BIRC6: variants seen among roughly 807,000 people sequenced by gnomAD.
BIRC6 encodes the protein dual E2 ubiquitin-conjugating enzyme/E3 ubiquitin-protein ligase BIRC6.
Under a neutral mutation model 503.3 loss-of-function variants are expected in BIRC6, and 98 were observed. The ratio of observed to expected loss-of-function variants is 0.19; its 90% confidence interval spans 0.17 to 0.23. The LOEUF (loss-of-function observed/expected upper bound fraction) is 0.23, where lower values mean the gene tolerates loss of function less well. Among genes scored for constraint, BIRC6 ranks in the 10% least tolerant of loss-of-function variants. The pLI is 1.00. For missense variants in BIRC6, 5,360 were observed against 5,806.0 expected (o/e 0.92, Z 2.50); for synonymous variants, 2,240 against 2,078.7 (o/e 1.08, Z -2.11).
At chr2:32,555,606 C>T (rs376477238) in intron 65 of BIRC6, among the ~76,000 whole-genome samples, 7 of 150,172 alleles carry the variant, frequency 4.7e-5, no homozygotes, top group East Asian at 2.0e-4. Flanking sequence ...CCAGCCTGGG[C>T]GACAGAGCAA....
chr2:32,564,626 G>T (rs565706071), intron 65 of BIRC6: 1 of 152,264 alleles, frequency 6.6e-6, no homozygotes, highest in South Asian at 2.1e-4. Context: ...TGTGTTCATT[G>T]ACTATTCACC....
intron 3 of BIRC6, among the ~76,000 whole-genome samples, chr2:32,382,000 A>C (rs1001317405): frequency 6.6e-6 from 1 of 152,154 alleles, no homozygotes; most frequent in Non-Finnish European, 1.5e-5. Context: ...TTATTTAGGA[A>C]AACAGAAACT....
intron 3 of BIRC6, among the ~76,000 whole-genome samples, chr2:32,387,995 GATTAA>G (rs1228909789): frequency 1.3e-5 from 2 of 152,142 alleles, no homozygotes; most frequent in South Asian, 2.1e-4. Context: ...ATTATAGAAA[GATTAA>G]ATTAAGCTAA....
At chr2:32,581,638 C>A (rs1218613814) in intron 66 of BIRC6, among the ~76,000 whole-genome samples, 2 of 152,114 alleles carry the variant, frequency 1.3e-5, no homozygotes, top group Admixed American at 6.5e-5. Flanking sequence ...ATGAGTGAAC[C>A]ATTTACTGTG....
chr2:32,546,647 G>T (rs2058070726), intron 63 of BIRC6, among the ~76,000 whole-genome samples: 1 of 151,626 alleles, frequency 6.6e-6, no homozygotes, highest in South Asian at 2.1e-4. Context: ...TACATCATGG[G>T]GTCAGTCTAT....
intron 16 of BIRC6, among the ~76,000 whole-genome samples, chr2:32,440,561 A>G (rs117421641): frequency 2.7e-3 from 406 of 152,164 alleles, no homozygotes; most frequent in Non-Finnish European, 4.4e-3. Context: ...GGCATTTTAC[A>G]TATATATAGG....
chr2:32,377,490 C>G, intron 1 of BIRC6, 98 bp from the exon 2 acceptor site: 1 of 928,646 alleles, frequency 1.1e-6, no homozygotes, highest in Non-Finnish European at 1.5e-6. Context: ...AGATCCAATT[C>G]AGGATAATAT....
intron 10 of BIRC6, among the ~76,000 whole-genome samples, chr2:32,420,469 G>A (rs1014091625): frequency 2.0e-5 from 3 of 151,878 alleles, no homozygotes; most frequent in African/African-American, 4.8e-5. Context: ...AAGTTATGAA[G>A]TTTTAGCGTA....
chr2:32,467,757 A>T lies in BIRC6; in HGVS notation c.5571+18A>T, dbSNP rs1281368191. The T allele has an allele frequency of 6.3e-7, 1 of 1,596,082 alleles. No homozygotes were observed. Among genetic ancestry groups the T allele is most frequent in the Non-Finnish European group, 8.6e-7 (1 of 1,168,880 alleles). ...TCATGAAGGTAAAGAACTTTAAGAAAGTAAATTGATACGCTTTCTATGTTT... is the reference window on the plus strand; with the variant it reads ...TCATGAAGGTAAAGAACTTTAAGAATGTAAATTGATACGCTTTCTATGTTT... On this transcript the variant is annotated intron_variant, in intron 27 of 73. Coordinates refer to ENST00000421745, the MANE Select transcript of BIRC6 (RefSeq NM_016252.4).
At position 32,403,918 on chromosome 2, in the gene BIRC6, ATG is replaced by A. The variant is rs1160326625; in HGVS notation, c.1418+2305_1418+2306del. Among the ~76,000 whole-genome samples the A allele has an allele frequency of 2.1e-5, 3 of 145,366 alleles. No homozygotes were observed. In the East Asian group the frequency reaches 6.1e-4, roughly 30 times the overall value. ...ATATGTATTCTAGTTTCTTTTTAAAATGTGTGTGTGTTTTTTTTTTTTTTTTG... is the reference window on the plus strand; with the variant it reads ...ATATGTATTCTAGTTTCTTTTTAAAATGTGTGTGTTTTTTTTTTTTTTTTG... On this transcript the variant is annotated intron_variant, in intron 8 of 73. Transcript: ENST00000421745.
chr2:32,617,816 G>A lies in BIRC6; in HGVS notation c.14486G>A (p.Arg4829Lys), dbSNP rs1181746729. 6.2e-7 allele frequency: 1 copy of A among 1,614,052 alleles called. No homozygotes were observed. The stretch of plus-strand genomic sequence containing the variant: ...ACTGACGATGCCCCAGAGGTGTGCA[G>A]AGCCACAACAGGTGCTGAGGAGACT... ...PDTDDAPEVC[R>K]ATTGAEETLM... Residue 4829 changes from arginine (R) to lysine (K), a missense_variant, in exon 74 of 74, where the codon AGA (arginine) becomes AAA (lysine). Coordinates refer to ENST00000421745, the MANE Select transcript of BIRC6 (RefSeq NM_016252.4).
chr2:32,470,269 A>C lies in BIRC6; in HGVS notation c.6449A>C (p.Gln2150Pro), dbSNP rs1390540866. The C allele has an allele frequency of 3.2e-6, 5 of 1,575,450 alleles. No homozygotes were observed. The highest frequency in any genetic ancestry group is 1.8e-5 in the Admixed American group (1 of 54,290). ...NLLDNLLSPL[Q>P]PQLPMHRRTE... ...TTGGATAATTTATTGTCACCTCTTC[A>C]GCCACAGTTACCCATGCATAGGAGG... The change falls in exon 31 of 74, where the codon CAG (glutamine) becomes CCG (proline). Residue 2150 changes from glutamine (Q) to proline (P), a missense_variant. Gln to Pro is a moderately conservative substitution (Grantham distance 76). Around this residue, in one of 16 missense-constraint regions of BIRC6, gnomAD observed 2,299 missense variants for 2,267.2 expected, o/e 1.01. Transcript: ENST00000421745.
chr2:32,573,175 C>T (rs920196878), intron 65 of BIRC6, among the ~76,000 whole-genome samples: 2 of 152,114 alleles, frequency 1.3e-5, no homozygotes, highest in African/African-American at 4.8e-5. Context: ...CCCAGCCTGT[C>T]CAGCAACAGG....
Position 32,396,277 on chromosome 2 carries a change from T to G in BIRC6, c.1034+684T>G, listed in dbSNP as rs536256952. ...TTTCCAGTTTAACCTTTACAGTCACTCTATGAGATAGGAGTTACTATCCCA... is the reference window on the plus strand; with the variant it reads ...TTTCCAGTTTAACCTTTACAGTCACGCTATGAGATAGGAGTTACTATCCCA... On this transcript the variant is annotated intron_variant, in intron 6 of 73. Transcript: ENST00000421745. Among the ~76,000 whole-genome samples, 45 of 152,202 alleles carry G rather than the reference T, an allele frequency of 3.0e-4. 1 individual carries two copies. The highest frequency in any genetic ancestry group is 1.5e-4 in the Non-Finnish European group (10 of 68,026).
intron 66 of BIRC6, among the ~76,000 whole-genome samples, chr2:32,579,530 A>G (rs1306502101): frequency 6.6e-6 from 1 of 152,112 alleles, no homozygotes; most frequent in Non-Finnish European, 1.5e-5. Flanking sequence ...TCTACAAAAC[A>G]TAAAAATAAA....
At chr2:32,509,078 AG>A (rs1422261993) in intron 51 of BIRC6, among the ~76,000 whole-genome samples, 24 of 151,880 alleles carry the variant, frequency 1.6e-4, no homozygotes, top group Non-Finnish European at 3.5e-4. Context: ...AAAAAAAAAA[AG>A]AATTTAGGAT....
chr2:32,439,452 A>G (rs2045152191), intron 15 of BIRC6, 56 bp from the exon 16 acceptor site: 2 of 1,502,878 alleles, frequency 1.3e-6, no homozygotes, highest in South Asian at 2.5e-5. Context: ...AAGATGAAAA[A>G]CAGTGGAATT....
rs1451715476 is a variant in BIRC6 at position 32,377,751 on chromosome 2, T to C, written c.489T>C (p.Leu163=). 2 of 1,612,908 alleles carry C rather than the reference T, an allele frequency of 1.2e-6. No individual in the cohort carries two copies. The highest frequency in any genetic ancestry group is 8.5e-7 in the Non-Finnish European group (1 of 1,179,458). The part of the protein sequence containing the change: ...PVSKQDDVVQ[L]ELPVTEAQQL... ...CAAAGCAGGATGATGTGGTTCAGCT[T>C]GAATTACCCGTTACAGAGGTAAGTT... The change falls in exon 2 of 74, where the codon CTT becomes CTC. Residue 163 remains leucine (L), a synonymous_variant. Transcript: ENST00000421745.
chr2:32,374,140 C>G (rs2036382136), intron 1 of BIRC6, among the ~76,000 whole-genome samples: 1 of 152,066 alleles, frequency 6.6e-6, no homozygotes, highest in South Asian at 2.1e-4. Flanking sequence ...CTCAATACCA[C>G]TCAACTGTAC....
Sources: allele counts gnomAD v4.1 joint callset (sites outside exome capture counted in the v4.1 genomes callset), GRCh38; gene constraint gnomAD v4.1.1; regional missense constraint gnomAD v4.1.1; transcripts MANE v1.5; gene names NCBI Gene and HGNC (gene_info 2026-07-23, HGNC 2026-07-21).